NOS1: variants seen among roughly 807,000 people sequenced by gnomAD.
The protein encoded by NOS1 is NOS type I.
Under a neutral mutation model 164.5 loss-of-function variants are expected in NOS1, and 51 were observed. The ratio of observed to expected loss-of-function variants is 0.31; its 90% CI spans 0.25 to 0.39. NOS1 has a LOEUF of 0.39. NOS1 is among the 10% of genes least tolerant of loss of function. The pLI is 1.00. For synonymous variants in NOS1, 719 were observed against 745.8 expected (o/e 0.96, Z 0.59); for missense variants, 1,362 against 1,885.6 (o/e 0.72, Z 5.14).
Position 117,211,791 on chromosome 12 carries a change from C to T in NOS1, c.*3518G>A, listed in dbSNP as rs551144550. ...CATCAGATTATAACCTTTGGCTGGGCGTGGTGGCTCATGCCTGTAATCCAG... is the reference window on the plus strand; with the variant it reads ...CATCAGATTATAACCTTTGGCTGGGTGTGGTGGCTCATGCCTGTAATCCAG... On this transcript the variant is annotated 3_prime_UTR_variant, in exon 29 of 29. Coordinates refer to ENST00000317775, the MANE Select transcript of NOS1 (RefSeq NM_000620.5). The T allele has an allele frequency of 2.4e-4, 237 of 985,374 alleles. No homozygotes were observed. The highest frequency in any genetic ancestry group is 2.8e-4 in the Non-Finnish European group (232 of 829,952). 61.0% of individuals were successfully genotyped at this position (985,374 alleles called of 1,614,324 possible).
Position 117,290,384 on chromosome 12 carries a change from G to T in NOS1, c.895C>A (p.Pro299Thr), listed in dbSNP as rs1872965786. The change falls in exon 4 of 29, where the codon CCC (proline) becomes ACC (threonine). Residue 299 changes from proline (P) to threonine (T), a missense_variant. Physicochemically the swap from Pro to Thr is conservative, Grantham distance 38. This residue lies in a region of NOS1 where 362 missense variants were observed against 402.0 expected (regional missense o/e 0.90). Transcript: ENST00000317775. ...GKQSPTKNGS[P>T]SKCPRFLKVK... ...TTGAGGAAGCGTGGACACTTGGAGG[G>T]GCTGCCATTCTTTGTGGGGGACTGT... is the stretch of plus-strand genomic sequence containing the variant. The T allele has an allele frequency of 6.2e-7, 1 of 1,613,902 alleles. No individual in the cohort carries two copies. Among genetic ancestry groups the T allele is most frequent in the East Asian group, 2.2e-5 (1 of 44,862 alleles).
At chr12:117,309,046 G>A (rs12815584) in intron 3 of NOS1, among the ~76,000 whole-genome samples, 5,272 of 152,260 alleles carry the variant, frequency 0.035, 109 homozygotes, top group East Asian at 0.077. Context: ...GATCTGGCCC[G>A]AGGCTGCCTC....
At chr12:117,242,169 T>C (rs1425259952) in intron 20 of NOS1, among the ~76,000 whole-genome samples, 3 of 152,190 alleles carry the variant, frequency 2.0e-5, no homozygotes. Flanking sequence ...CACTTAGGAC[T>C]TCAAAACACA....
intron 20 of NOS1, among the ~76,000 whole-genome samples, chr12:117,235,468 A>G (rs1242174579): frequency 6.6e-6 from 1 of 152,148 alleles, no homozygotes; most frequent in Non-Finnish European, 1.5e-5. Context: ...TATATCTCCT[A>G]GGAATTCCAA....
chr12:117,230,854 G>C (rs1869150054), intron 22 of NOS1, among the ~76,000 whole-genome samples: 1 of 152,216 alleles, frequency 6.6e-6, no homozygotes, highest in South Asian at 2.1e-4. Flanking sequence ...AAGGAAGCCA[G>C]GCACAGTAAG....
In NOS1 at chr12:117,356,397, C is replaced by A. The variant is rs1232883605; in HGVS notation, c.-421+5115G>T. Among the ~76,000 whole-genome samples, 1 of 152,182 alleles carries A rather than the reference C, an allele frequency of 6.6e-6. No individual in the cohort carries two copies. Among genetic ancestry groups the A allele is most frequent in the Non-Finnish European group, 1.5e-5 (1 of 68,038 alleles). On this transcript the variant is annotated intron_variant, in intron 1 of 28. Coordinates refer to ENST00000317775, the MANE Select transcript of NOS1 (RefSeq NM_000620.5). The surrounding 1 kb of genome is among the most constrained non-coding windows in gnomAD (Gnocchi z 4.2). ...AATCAGGCTATGGGCTTTGATGCTA[C>A]CTCCTCTGAGAAGTCCTCCCTGATT...
At chr12:117,360,516 A>G (rs1877087346) in intron 1 of NOS1, among the ~76,000 whole-genome samples, 1 of 152,170 alleles carries the variant, frequency 6.6e-6, no homozygotes, top group Non-Finnish European at 1.5e-5. Context: ...GGTTTTGGAG[A>G]CGGCGCTCTT....
At chr12:117,279,605 TA>T (rs1486252013) in intron 8 of NOS1, among the ~76,000 whole-genome samples, 2 of 152,136 alleles carry the variant, frequency 1.3e-5, no homozygotes, top group Non-Finnish European at 2.9e-5. Context: ...TTGTGCTTAG[TA>T]AAAAGAGGAA....
rs989663535 is a variant in NOS1 at position 117,281,381 on chromosome 12, G to A, written c.1383-515C>T. Reference sequence around the variant, plus strand: ...CAAAAATACAAAAAGTCAGCTGGGTGTGGTGGCGCACGCCTGTAATCCCAG... The same window carrying A: ...CAAAAATACAAAAAGTCAGCTGGGTATGGTGGCGCACGCCTGTAATCCCAG... On this transcript the variant is annotated intron_variant, in intron 7 of 28. Coordinates refer to ENST00000317775, the MANE Select transcript of NOS1 (RefSeq NM_000620.5). Among the ~76,000 whole-genome samples the A allele has an allele frequency of 6.6e-5, 10 of 152,036 alleles. No homozygotes were observed. The East Asian group carries it at 1.7e-3, about 26-fold the overall frequency.
chr12:117,259,501 A>G (rs1045050112), intron 14 of NOS1, among the ~76,000 whole-genome samples: 1 of 152,138 alleles, frequency 6.6e-6, no homozygotes, highest in African/African-American at 2.4e-5. Flanking sequence ...GACCCCAGTT[A>G]GGCCGGGAAT....
chr12:117,345,604 T>A (rs904537440), intron 1 of NOS1, among the ~76,000 whole-genome samples: 1 of 152,192 alleles, frequency 6.6e-6, no homozygotes, highest in Non-Finnish European at 1.5e-5. Flanking sequence ...GAACCATAGA[T>A]GATAATGTAC....
chr12:117,359,908 A>ATATATATATATG (rs1877051185), intron 1 of NOS1, among the ~76,000 whole-genome samples: 1 of 64,068 alleles, frequency 1.6e-5, no homozygotes, highest in African/African-American at 6.9e-5. Flanking sequence ...ATATATATAT[A>ATATATATATATG]TATATATATA....
intron 6 of NOS1, 137 bp downstream of exon 6, chr12:117,285,967 C>T (rs886362225): frequency 1.2e-5 from 11 of 891,324 alleles, no homozygotes; most frequent in Non-Finnish European, 1.4e-5. Flanking sequence ...TGTGGGACCC[C>T]GTGACCATCA....
chr12:117,341,632 T>A (rs1474878274), intron 1 of NOS1, among the ~76,000 whole-genome samples: 2 of 152,164 alleles, frequency 1.3e-5, no homozygotes, highest in African/African-American at 2.4e-5. Context: ...AGCACAAAAG[T>A]GGCACAGATG....
intron 26 of NOS1, 27 bp from the exon 27 acceptor site, chr12:117,220,296 G>A: frequency 6.3e-7 from 1 of 1,574,804 alleles, no homozygotes; most frequent in South Asian, 1.2e-5. Flanking sequence ...GCAGTGAGAA[G>A]GGGCTGGGCT....
intron 18 of NOS1, 79 bp downstream of exon 18, chr12:117,247,269 C>T (rs1222270264): frequency 5.7e-6 from 7 of 1,231,670 alleles, no homozygotes; most frequent in Non-Finnish European, 7.9e-6. Flanking sequence ...AGTTTATTCT[C>T]TTCTTGATGG....
At chr12:117,273,519 ATTAC>A (rs2135999650) in intron 9 of NOS1, among the ~76,000 whole-genome samples, 1 of 152,246 alleles carries the variant, frequency 6.6e-6, no homozygotes, top group South Asian at 2.1e-4. Context: ...TGGTTTTGCA[ATTAC>A]TTTTGCACCA....
intron 2 of NOS1, among the ~76,000 whole-genome samples, chr12:117,324,589 G>A (rs1376714486): frequency 6.6e-6 from 1 of 152,132 alleles, no homozygotes; most frequent in Admixed American, 6.6e-5. Context: ...ACAATTAGCT[G>A]GGCATGGTCT....
At chr12:117,314,999 A>C (rs1323815080) in intron 2 of NOS1, among the ~76,000 whole-genome samples, 2 of 152,234 alleles carry the variant, frequency 1.3e-5, no homozygotes, top group Non-Finnish European at 2.9e-5. Flanking sequence ...GCCAATTTAC[A>C]AAAATTATAA....
Sources: allele counts gnomAD v4.1 joint callset (sites outside exome capture counted in the v4.1 genomes callset), GRCh38; gene constraint gnomAD v4.1.1; regional missense constraint gnomAD v4.1.1; non-coding constraint Gnocchi (gnomAD v3.1); transcripts MANE v1.5; gene names NCBI Gene and HGNC (gene_info 2026-07-23, HGNC 2026-07-21).